Variants in PHACTR1 observed in about 807,000 individuals in gnomAD.
The protein encoded by PHACTR1 is phosphatase and actin regulator 1, also known as RPEL repeat containing 1.
Under a neutral mutation model 69.2 loss-of-function variants are expected in PHACTR1, and 16 were observed. The ratio of observed to expected loss-of-function variants is 0.23; its 90% confidence interval spans 0.16 to 0.35. The LOEUF (loss-of-function observed/expected upper bound fraction) is 0.35, where lower values mean the gene tolerates loss of function less well. Among genes scored for constraint, PHACTR1 ranks in the 10% least tolerant of loss-of-function variants. The probability of loss-of-function intolerance (pLI) is 1.00; values close to 1 mark genes in which losing one functional copy is unlikely to be tolerated. For synonymous variants in PHACTR1, 312 were observed against 284.5 expected (o/e 1.10, Z -0.97); for missense variants, 510 against 734.7 (o/e 0.69, Z 3.54).
chr6:13,077,441 A>G (rs930380401), intron 5 of PHACTR1, among the ~76,000 whole-genome samples: 1 of 152,206 alleles, frequency 6.6e-6, no homozygotes, highest in Non-Finnish European at 1.5e-5. Flanking sequence ...GAACAGCAGA[A>G]TTAGGGGAGA....
At chr6:13,198,622 G>GGA (rs566970704) in intron 7 of PHACTR1, among the ~76,000 whole-genome samples, 2 of 135,064 alleles carry the variant, frequency 1.5e-5, no homozygotes, top group African/African-American at 5.4e-5. Context: ...CCTGATGAGT[G>GGA]AAAAAAAAAA....
chr6:12,793,065 G>C (rs1203195622), intron 4 of PHACTR1, among the ~76,000 whole-genome samples: 22 of 152,026 alleles, frequency 1.4e-4, no homozygotes, highest in Admixed American at 1.4e-3. Flanking sequence ...CTCACCACCT[G>C]TTAGAATTAA....
At chr6:13,134,219 C>G (rs1016204789) in intron 5 of PHACTR1, among the ~76,000 whole-genome samples, 1 of 148,260 alleles carries the variant, frequency 6.7e-6, no homozygotes, top group Admixed American at 6.7e-5. Context: ...GGGCAGCCCC[C>G]GCCCCGCCAG....
At chr6:12,786,632 A>T (rs554296058) in intron 4 of PHACTR1, among the ~76,000 whole-genome samples, 3 of 152,318 alleles carry the variant, frequency 2.0e-5, no homozygotes, top group Non-Finnish European at 2.9e-5. Context: ...GAAGCTAGAG[A>T]CCTGGAAATT....
chr6:13,028,776 G>T (rs1178604109), intron 4 of PHACTR1, among the ~76,000 whole-genome samples: 3 of 152,158 alleles, frequency 2.0e-5, no homozygotes, highest in Non-Finnish European at 4.4e-5. Context: ...AGACAAGATT[G>T]CTCCTGAGTT....
chr6:13,107,251 T>TA (rs1351823938), intron 5 of PHACTR1, among the ~76,000 whole-genome samples: 1 of 152,116 alleles, frequency 6.6e-6, no homozygotes, highest in Admixed American at 6.6e-5. Context: ...GCTGGGATTA[T>TA]AGGCACATGC....
chr6:12,917,755 A>G (rs1413357102), intron 4 of PHACTR1, among the ~76,000 whole-genome samples: 5 of 152,128 alleles, frequency 3.3e-5, no homozygotes, highest in Admixed American at 3.3e-4. Flanking sequence ...CCCATCCATA[A>G]CTAAATAAAA....
intron 12 of PHACTR1, chr6:13,281,531 T>C: frequency 4.4e-6 from 1 of 227,594 alleles, no homozygotes; most frequent in Admixed American, 5.1e-5. Flanking sequence ...AACTCCAGCC[T>C]GGGCAACAGA....
chr6:13,120,735 A>T (rs1033103449), intron 5 of PHACTR1, among the ~76,000 whole-genome samples: 1 of 152,164 alleles, frequency 6.6e-6, no homozygotes, highest in Non-Finnish European at 1.5e-5. Flanking sequence ...CCCCACTTGT[A>T]GGAAAAACAG....
intron 9 of PHACTR1, 33 bp from the exon 10 acceptor site, chr6:13,230,004 A>C (rs1342440601): frequency 6.4e-7 from 1 of 1,570,374 alleles, no homozygotes; most frequent in African/African-American, 1.4e-5. Flanking sequence ...GCAGATATGT[A>C]AGCCTTAATT....
chr6:13,190,198 A>ATTTTTTTTTTTTGTTTTTTTTTTTT (rs1276841115), intron 7 of PHACTR1, among the ~76,000 whole-genome samples: 1 of 87,266 alleles, frequency 1.1e-5, no homozygotes, highest in African/African-American at 4.7e-5. Context: ...TAATTTTTGT[A>ATTTTTTTTTTTTGTTTTTTTTTTTT]TTTTTTTTTT....
At chr6:13,180,082 A>C (rs1761992628) in intron 6 of PHACTR1, among the ~76,000 whole-genome samples, 1 of 152,356 alleles carries the variant, frequency 6.6e-6, no homozygotes, top group African/African-American at 2.4e-5. Flanking sequence ...GTCATCCAGT[A>C]TAATCATTAA....
intron 4 of PHACTR1, among the ~76,000 whole-genome samples, chr6:13,017,152 C>T (rs1297547268): frequency 7.1e-6 from 1 of 141,466 alleles, no homozygotes; most frequent in Non-Finnish European, 1.5e-5. Flanking sequence ...CGCCATTGCA[C>T]TCCAGCCTGG....
intron 3 of PHACTR1, among the ~76,000 whole-genome samples, chr6:12,745,114 AT>A (rs920243966): frequency 3.9e-5 from 6 of 152,172 alleles, no homozygotes; most frequent in African/African-American, 1.4e-4. Context: ...TTTGAGTAAT[AT>A]TTTTAAAGGG....
At chr6:12,801,420 A>G (rs1403474305) in intron 4 of PHACTR1, among the ~76,000 whole-genome samples, 2 of 152,210 alleles carry the variant, frequency 1.3e-5, no homozygotes, top group Non-Finnish European at 2.9e-5. Context: ...TGGCCATCTC[A>G]TTATCAAAAG....
intron 4 of PHACTR1, among the ~76,000 whole-genome samples, chr6:12,868,195 T>G (rs1277451179): frequency 2.0e-5 from 3 of 149,954 alleles, no homozygotes; most frequent in Non-Finnish European, 4.4e-5. Context: ...AGTCGGAGGT[T>G]GCAGTGAACC....
chr6:12,757,290 A>G (rs555892235), intron 4 of PHACTR1, among the ~76,000 whole-genome samples: 5 of 152,280 alleles, frequency 3.3e-5, no homozygotes, highest in African/African-American at 1.2e-4. Flanking sequence ...TGTTCCTGGC[A>G]TGGCAAGGAG....
chr6:13,253,263 A>G (rs756578814), intron 10 of PHACTR1, among the ~76,000 whole-genome samples: 4 of 152,160 alleles, frequency 2.6e-5, no homozygotes, highest in African/African-American at 4.8e-5. Flanking sequence ...AGAGAAAGAC[A>G]TGGAAGGAGG....
At chr6:12,770,468 G>A (rs1769240028) in intron 4 of PHACTR1, among the ~76,000 whole-genome samples, 2 of 152,146 alleles carry the variant, frequency 1.3e-5, no homozygotes. Context: ...CACTGAGGTT[G>A]GTCCTCAAAG....
Sources: allele counts gnomAD v4.1 joint callset (sites outside exome capture counted in the v4.1 genomes callset), GRCh38; gene constraint gnomAD v4.1.1; transcripts MANE v1.5; gene names NCBI Gene and HGNC (gene_info 2026-07-23, HGNC 2026-07-21).